Variants in UQCRFS1 observed in about 807,000 individuals in gnomAD.
UQCRFS1 encodes the protein ubiquinol-cytochrome c reductase, Rieske iron-sulfur polypeptide 1.
A neutral mutation model predicts 15.6 loss-of-function variants in UQCRFS1; 6 were observed. The ratio of observed to expected loss-of-function variants is 0.38; its 90% confidence interval spans 0.21 to 0.76. The LOEUF (loss-of-function observed/expected upper bound fraction) is 0.76. Ranked by LOEUF, UQCRFS1 falls within the 30% of genes least tolerant of loss-of-function variation. The pLI, the probability that UQCRFS1 is intolerant of heterozygous loss-of-function variation, is 0.44. For synonymous variants in UQCRFS1, 105 were observed against 154.3 expected (o/e 0.68, Z 2.37); for missense variants, 203 against 366.7 (o/e 0.55, Z 3.65).
chr19:29,207,909 T>G lies in UQCRFS1; in HGVS notation c.464A>C (p.Lys155Thr), dbSNP rs201719321. 9.7e-5 allele frequency: 157 copies of G among 1,614,016 alleles called. 1 individual carries two copies. In the East Asian group the frequency reaches 2.9e-3, roughly 30 times the overall value. ...CTTGCCTTCTGGAATATCGGATAAC[T>G]TGATTTCGATTTTCGCCAGGGCCAA... ...DVLALAKIEI[K>T]LSDIPEGKNM... Residue 155 changes from lysine (K) to threonine (T), a missense_variant, in exon 2 of 2, where the codon AAG (lysine) becomes ACG (threonine). Coordinates refer to ENST00000304863, the MANE Select transcript of UQCRFS1 (RefSeq NM_006003.3).
intron 1 of UQCRFS1, among the ~76,000 whole-genome samples, chr19:29,210,496 T>A (rs1599711444): frequency 6.7e-6 from 1 of 148,946 alleles, no homozygotes; most frequent in East Asian, 2.0e-4. Flanking sequence ...TATCTCCCAA[T>A]GCTATCCCTC....
rs1976596118 is a variant in UQCRFS1 at position 29,206,575 on chromosome 19, G to C, written c.*973C>G. On this transcript the variant is annotated 3_prime_UTR_variant, in exon 2 of 2. Transcript: ENST00000304863. Reference sequence around the variant, plus strand: ...TGTTTCACCTGTGTAATTGGAGGCAGAATAGGATGTGAATTCCGATGTGCT... The same window carrying C: ...TGTTTCACCTGTGTAATTGGAGGCACAATAGGATGTGAATTCCGATGTGCT... 6.6e-6 allele frequency: 1 copy of C among 152,238 alleles called. No homozygotes were observed. The highest frequency in any genetic ancestry group is 1.5e-5 in the Non-Finnish European group (1 of 68,042). 9.4% of individuals were successfully genotyped at this position (152,238 alleles called of 1,614,324 possible). A position where few individuals can be genotyped will look rare whatever the true frequency, so the allele number is the denominator to read the frequency against.
chr19:29,206,944 TAAG>T lies in UQCRFS1; in HGVS notation c.*601_*603del, dbSNP rs1345839759. ...TAATAAAATTTCCTGGCCTGTCACT[TAAG>T]GAGAAAAACCAGCAGACCAGACGTG... On this transcript the variant is annotated 3_prime_UTR_variant, in exon 2 of 2. Coordinates refer to ENST00000304863, the MANE Select transcript of UQCRFS1 (RefSeq NM_006003.3). The T allele has an allele frequency of 6.6e-6, 1 of 152,390 alleles. No homozygotes were observed. The highest frequency in any genetic ancestry group is 1.5e-5 in the Non-Finnish European group (1 of 68,208). 9.4% of individuals were successfully genotyped at this position (152,390 alleles called of 1,614,324 possible).
rs1482277032 is a variant in UQCRFS1, at chr19:29,206,734, G to A, written c.*814C>T. 1.3e-5 allele frequency: 2 copies of A among 152,220 alleles called. No homozygotes were observed. The highest frequency in any genetic ancestry group is 2.1e-4 in the South Asian group (1 of 4,824). 9.4% of individuals were successfully genotyped at this position (152,220 alleles called of 1,614,324 possible). A position where few individuals can be genotyped will look rare whatever the true frequency, so the allele number is the denominator to read the frequency against. On this transcript the variant is annotated 3_prime_UTR_variant, in exon 2 of 2. Transcript: ENST00000304863. ...CACTTCTGCATGCAGGCAGTATTAG[G>A]TCTCAGATGCTCCCTTTCTGCCTCC...
In UQCRFS1 at chr19:29,212,058, C is replaced by T. The variant is rs536855471; in HGVS notation, c.214+847G>A. Among the ~76,000 whole-genome samples, 17 of 152,330 alleles carry T rather than the reference C, an allele frequency of 1.1e-4. No homozygotes were observed. The South Asian group carries it at 2.7e-3, about 24-fold the overall frequency. On this transcript the variant is annotated intron_variant, in intron 1 of 1. Transcript: ENST00000304863. The stretch of plus-strand genomic sequence containing the variant: ...CTTCCCAGTTTTTTTGAAAACTACA[C>T]AGCCTGCAGACACACTGCCCACAGG...
In UQCRFS1 at chr19:29,207,617, A is replaced by T. The variant is rs747742363; in HGVS notation, c.756T>A (p.Gly252=). ...HYDASGRIRL[G]PAPLNLEVPT... ...GGACTTCAAGGTTGAGAGGAGCAGG[A>T]CCCAATCTGATCCTGCCAGATGCAT... Residue 252 remains glycine, a synonymous_variant, in exon 2 of 2, where the codon GGT becomes GGA. Coordinates refer to ENST00000304863, the MANE Select transcript of UQCRFS1 (RefSeq NM_006003.3). 3.7e-6 allele frequency: 6 copies of T among 1,613,884 alleles called. No homozygotes were observed. Among genetic ancestry groups the T allele is most frequent in the Middle Eastern group, 1.7e-4 (1 of 6,056 alleles).
chr19:29,207,577 T>G lies in UQCRFS1; in HGVS notation c.796A>C (p.Thr266Pro). 6.2e-7 allele frequency: 1 copy of G among 1,613,046 alleles called. No homozygotes were observed. The highest frequency in any genetic ancestry group is 8.5e-7 in the Non-Finnish European group (1 of 1,179,172). Residue 266 changes from threonine (T) to proline (P), a missense_variant, in exon 2 of 2, where the codon ACC (threonine) becomes CCC (proline). Around this residue, in one of 3 missense-constraint regions of UQCRFS1, gnomAD observed 91 missense variants for 186.9 expected, o/e 0.49. Transcript: ENST00000304863. ...LNLEVPTYEF[T>P]SDDMVIVG is the part of the protein sequence containing the mutation. ...CCAACAATCACCATATCGTCACTGG[T>G]GAACTCATACGTGGGGACTTCAAGG...
chr19:29,209,716 A>G (rs1976625174), intron 1 of UQCRFS1, among the ~76,000 whole-genome samples: 1 of 152,188 alleles, frequency 6.6e-6, no homozygotes, highest in Admixed American at 6.5e-5. Context: ...ACTTGCTCCT[A>G]GCACTACCTG....
chr19:29,212,360 A>G (rs1255210943), intron 1 of UQCRFS1, among the ~76,000 whole-genome samples: 2 of 149,088 alleles, frequency 1.3e-5, no homozygotes, highest in African/African-American at 4.9e-5. Context: ...CTACACTGTA[A>G]CTGACCTTGT....
chr19:29,210,870 T>C (rs1330090018), intron 1 of UQCRFS1, among the ~76,000 whole-genome samples: 1 of 152,038 alleles, frequency 6.6e-6, no homozygotes, highest in Non-Finnish European at 1.5e-5. Context: ...TTTGGGTATA[T>C]ACCCAGTAAT....
At chr19:29,210,392 G>C (rs987054831) in intron 1 of UQCRFS1, among the ~76,000 whole-genome samples, 2 of 151,578 alleles carry the variant, frequency 1.3e-5, no homozygotes, top group African/African-American at 4.9e-5. Flanking sequence ...TTAAGTTTTA[G>C]GGTACATGTG....
rs146164627 is a variant in UQCRFS1, at chr19:29,207,997, C to G, written c.376G>C (p.Ala126Pro). 5 of 1,614,004 alleles carry G rather than the reference C, an allele frequency of 3.1e-6. No individual in the cohort carries two copies. The highest frequency in any genetic ancestry group is 2.5e-6 in the Non-Finnish European group (3 of 1,179,868). Residue 126 changes from alanine (A) to proline (P), a missense_variant, in exon 2 of 2, where the codon GCA becomes CCA. Ala to Pro is a conservative substitution (Grantham distance 27). Transcript: ENST00000304863. ...GTGACGGCATTCTTGGCAGCATATG[C>G]GACACCCACAGTAGTTACTCCAGTT... ...LVTGVTTVGV[A>P]YAAKNAVTQF...
chr19:29,209,024 G>A (rs1304358568), intron 1 of UQCRFS1, among the ~76,000 whole-genome samples: 1 of 152,024 alleles, frequency 6.6e-6, no homozygotes, highest in East Asian at 1.9e-4. Flanking sequence ...TTCTAGTCTA[G>A]GCCATAAAAG....
rs1198401263 is a variant in UQCRFS1, at chr19:29,207,382, A to C, written c.*166T>G. On this transcript the variant is annotated 3_prime_UTR_variant, in exon 2 of 2. Transcript: ENST00000304863. ...AGTGTCTTTATTAAGTGAATGCCTGAAAGTATTCAACATTAAATTCAATTT... is the reference window on the plus strand; with the variant it reads ...AGTGTCTTTATTAAGTGAATGCCTGCAAGTATTCAACATTAAATTCAATTT... 1 of 908,424 alleles carries C rather than the reference A, an allele frequency of 1.1e-6. No homozygotes were observed. Among genetic ancestry groups the C allele is most frequent in the Non-Finnish European group, 1.6e-6 (1 of 614,280 alleles). 56.3% of individuals were successfully genotyped at this position (908,424 alleles called of 1,614,324 possible).
rs962496305 is a variant in UQCRFS1, at chr19:29,206,268, G to T, written c.*1280C>A. The T allele has an allele frequency of 6.6e-6, 1 of 152,180 alleles. No homozygotes were observed. Among genetic ancestry groups the T allele is most frequent in the Non-Finnish European group, 1.5e-5 (1 of 68,032 alleles). The allele number at this position is 152,180 out of a possible 1,614,324, so 9.4% of individuals were successfully genotyped here. On this transcript the variant is annotated 3_prime_UTR_variant, in exon 2 of 2. Coordinates refer to ENST00000304863, the MANE Select transcript of UQCRFS1 (RefSeq NM_006003.3). ...AATGGTAAAAATGAAGCAAAGACTA[G>T]TATCTACTCATAAGCATAGAAAGTT...
chr19:29,211,546 G>C (rs1479961445), intron 1 of UQCRFS1, among the ~76,000 whole-genome samples: 1 of 152,160 alleles, frequency 6.6e-6, no homozygotes, highest in Non-Finnish European at 1.5e-5. Flanking sequence ...GTGAAAGATA[G>C]AAAAATAAAG....
intron 1 of UQCRFS1, 124 bp downstream of exon 1, chr19:29,212,781 G>A (rs2145209050): frequency 9.2e-7 from 1 of 1,086,138 alleles, no homozygotes; most frequent in Non-Finnish European, 1.2e-6. Context: ...CAGAGTTGCG[G>A]AGGCCGCCCA....
chr19:29,210,721 G>A (rs1040127696), intron 1 of UQCRFS1, among the ~76,000 whole-genome samples: 12 of 152,206 alleles, frequency 7.9e-5, no homozygotes, highest in Middle Eastern at 3.4e-3. Context: ...AGTATTCCAC[G>A]GTGTATATGT....
Position 29,212,890 on chromosome 19 carries a change from C to T in UQCRFS1, c.214+15G>A. On this transcript the variant is annotated intron_variant, in intron 1 of 1. Transcript: ENST00000304863. The stretch of plus-strand genomic sequence containing the variant: ...GAGACCCCCAGCCCTGCTCGCGGCC[C>T]TCGCCCCGGCTCACCATTGAGGCCC... 8 of 1,426,430 alleles carry T rather than the reference C, an allele frequency of 5.6e-6. No homozygotes were observed. The highest frequency in any genetic ancestry group is 7.3e-6 in the Non-Finnish European group (8 of 1,101,280). 88.4% of individuals were successfully genotyped at this position (1,426,430 alleles called of 1,614,324 possible).
Sources: gnomAD v4.1 joint callset for allele counts (sites outside exome capture counted in the v4.1 genomes callset) on GRCh38, gnomAD v4.1.1 for gene constraint, gnomAD v4.1.1 regional missense constraint, MANE v1.5 for transcripts, NCBI Gene and HGNC (gene_info 2026-07-23, HGNC 2026-07-21) for gene names.